Variants in KLHL29 observed in about 807,000 individuals in gnomAD.
KLHL29 encodes the protein kelch-like protein 29.
In KLHL29, 21 loss-of-function variants were observed where a neutral mutation model predicts 80.4. The ratio of observed to expected loss-of-function variants is 0.26; its 90% confidence interval spans 0.19 to 0.38. The LOEUF (loss-of-function observed/expected upper bound fraction) is 0.38. Among genes scored for constraint, KLHL29 ranks in the 10% least tolerant of loss-of-function variants. The pLI is 1.00. For synonymous variants in KLHL29, 511 were observed against 526.8 expected (o/e 0.97, Z 0.41); for missense variants, 867 against 1,223.9 (o/e 0.71, Z 4.35).
chr2:23,433,460 A>G (rs1663244284), intron 1 of KLHL29, among the ~76,000 whole-genome samples: 1 of 152,148 alleles, frequency 6.6e-6, no homozygotes, highest in African/African-American at 2.4e-5. Flanking sequence ...ACTGGCTCAT[A>G]CTTGACCTGG....
chr2:23,531,323 C>A (rs1666483602), intron 2 of KLHL29, among the ~76,000 whole-genome samples: 1 of 152,198 alleles, frequency 6.6e-6, no homozygotes, highest in African/African-American at 2.4e-5. Flanking sequence ...AGACCACTGC[C>A]AACATGGGAC....
intron 2 of KLHL29, among the ~76,000 whole-genome samples, chr2:23,550,783 G>A (rs1221885543): frequency 6.6e-6 from 1 of 152,210 alleles, no homozygotes; most frequent in South Asian, 2.1e-4. Flanking sequence ...CTGGCTCCAG[G>A]CACCGAGTAG....
chr2:23,703,351 G>A lies in KLHL29; in HGVS notation c.2271G>A (p.Thr757=), dbSNP rs530582654. The change falls in exon 12 of 14, where the codon ACG becomes ACA. Residue 757 remains threonine, a synonymous_variant. Transcript: ENST00000486442. ...AGTCTTACGTTCCTCAGACCAACAC[G>A]TGGAGCTTCATCGAGTCCCCAATGA... is the stretch of plus-strand genomic sequence containing the variant. The part of the protein sequence containing the change: ...VLQSYVPQTN[T]WSFIESPMID... 100 of 1,524,754 alleles carry A rather than the reference G, an allele frequency of 6.6e-5. No homozygotes were observed. Among genetic ancestry groups the A allele is most frequent in the African/African-American group, 6.2e-4 (45 of 72,280 alleles). The allele number at this position is 1,524,754 out of a possible 1,614,324, so 94.5% of individuals were successfully genotyped here.
rs139066526 is a variant in KLHL29, at chr2:23,604,986, G to C, written c.286-34153G>C. Among the ~76,000 whole-genome samples, 373 of 152,140 alleles carry C rather than the reference G, an allele frequency of 2.5e-3. 2 individuals are homozygous for C. The highest frequency in any genetic ancestry group is 8.6e-3 in the African/African-American group (355 of 41,496). On this transcript the variant is annotated intron_variant, in intron 3 of 13. Transcript: ENST00000486442. ...GGGCTGTTGGGAGGGTCCGCTGAGC[G>C]CCCCAACTCCACCTGGCCCTGCCTG...
At chr2:23,538,959 A>G (rs1206834615) in intron 2 of KLHL29, among the ~76,000 whole-genome samples, 1 of 152,256 alleles carries the variant, frequency 6.6e-6, no homozygotes, top group African/African-American at 2.4e-5. Context: ...CAAATTGACT[A>G]TAAGATTGAT....
chr2:23,571,332 T>A (rs2103502637), intron 3 of KLHL29, among the ~76,000 whole-genome samples: 1 of 152,364 alleles, frequency 6.6e-6, no homozygotes, highest in Non-Finnish European at 1.5e-5. Context: ...AGCTGGAGAA[T>A]GAGCCAGGCC....
At chr2:23,655,800 G>A (rs1311434291) in intron 5 of KLHL29, among the ~76,000 whole-genome samples, 3 of 152,192 alleles carry the variant, frequency 2.0e-5, no homozygotes, top group African/African-American at 7.2e-5. Flanking sequence ...ATGGTTTCCA[G>A]GAGGTGTGTA....
chr2:23,552,761 C>CTTATTTTTTTTT (rs1667160655), intron 2 of KLHL29, among the ~76,000 whole-genome samples: 1 of 95,576 alleles, frequency 1.0e-5, no homozygotes, highest in Non-Finnish European at 1.9e-5. Context: ...GGTTTCTTTT[C>CTTATTTTTTTTT]TTTTTTTTTT....
intron 3 of KLHL29, among the ~76,000 whole-genome samples, chr2:23,578,023 G>C (rs940613948): frequency 6.6e-6 from 1 of 152,204 alleles, no homozygotes; most frequent in Non-Finnish European, 1.5e-5. Context: ...AAGCCACTGA[G>C]CATCAGTAAA....
At chr2:23,589,508 G>C (rs553905420) in intron 3 of KLHL29, among the ~76,000 whole-genome samples, 1 of 152,344 alleles carries the variant, frequency 6.6e-6, no homozygotes, top group South Asian at 2.1e-4. Context: ...ACTCCACACT[G>C]CTGTGGAGAT....
intron 5 of KLHL29, among the ~76,000 whole-genome samples, chr2:23,655,105 G>GGGTA (rs1421060477): frequency 6.6e-6 from 1 of 152,202 alleles, no homozygotes; most frequent in Non-Finnish European, 1.5e-5. Flanking sequence ...ATGGATGGGT[G>GGGTA]GGTAGGTAGA....
intron 1 of KLHL29, among the ~76,000 whole-genome samples, chr2:23,424,316 G>T (rs760859411): frequency 6.6e-6 from 1 of 152,228 alleles, no homozygotes; most frequent in Non-Finnish European, 1.5e-5. Flanking sequence ...GCATTTGCGT[G>T]TGCATGTTTC....
At chr2:23,621,212 A>G (rs925660305) in intron 3 of KLHL29, among the ~76,000 whole-genome samples, 3 of 152,230 alleles carry the variant, frequency 2.0e-5, no homozygotes, top group African/African-American at 7.2e-5. Flanking sequence ...GGAACTCTAC[A>G]GCAGAGCCCC....
At chr2:23,388,929 C>T (rs1429161677) in intron 1 of KLHL29, among the ~76,000 whole-genome samples, 1 of 149,612 alleles carries the variant, frequency 6.7e-6, no homozygotes, top group Non-Finnish European at 1.5e-5. Context: ...GCAGAACTAA[C>T]TAAAGTTTTT....
At chr2:23,665,554 G>A (rs1300757021) in intron 5 of KLHL29, among the ~76,000 whole-genome samples, 3 of 152,166 alleles carry the variant, frequency 2.0e-5, no homozygotes, top group South Asian at 2.1e-4. Context: ...TCTAAAGGAA[G>A]ACCTAAGGCT....
chr2:23,642,143 T>A (rs969170947), intron 4 of KLHL29, among the ~76,000 whole-genome samples, 195 bp from the exon 5 acceptor site: 1 of 152,094 alleles, frequency 6.6e-6, no homozygotes, highest in African/African-American at 2.4e-5. Context: ...TGAGCCCCGA[T>A]GGCTGTTTGT....
chr2:23,643,366 C>T (rs1028758715), intron 5 of KLHL29: 3 of 220,250 alleles, frequency 1.4e-5, no homozygotes, highest in Admixed American at 9.9e-5. Context: ...GCCCAAGAGA[C>T]ATTCCTAGAC....
At chr2:23,665,101 A>G (rs973026926) in intron 5 of KLHL29, among the ~76,000 whole-genome samples, 1 of 152,216 alleles carries the variant, frequency 6.6e-6, no homozygotes. Context: ...CAGATGGAGA[A>G]TGTTCTGAGT....
chr2:23,407,083 G>T (rs1227664699), intron 1 of KLHL29, among the ~76,000 whole-genome samples: 1 of 152,056 alleles, frequency 6.6e-6, no homozygotes, highest in African/African-American at 2.4e-5. Context: ...AATCTTAAAA[G>T]ACCATGTTTC....
Sources: allele counts gnomAD v4.1 joint callset (sites outside exome capture counted in the v4.1 genomes callset), GRCh38; gene constraint gnomAD v4.1.1; transcripts MANE v1.5; gene names NCBI Gene and HGNC (gene_info 2026-07-23, HGNC 2026-07-21).